The following RUNX1T1 variants were observed in gnomAD, a reference collection of about 807,000 sequenced individuals.
RUNX1T1 encodes the protein RUNX1 partner transcriptional co-repressor 1.
In RUNX1T1, 4 loss-of-function variants were observed where a neutral mutation model predicts 62.8. The ratio of observed to expected loss-of-function variants is 0.06; its 90% CI spans 0.03 to 0.15. RUNX1T1 has a LOEUF of 0.15. Ranked by LOEUF, RUNX1T1 falls within the 10% of genes least tolerant of loss-of-function variation. RUNX1T1 has a pLI of 1.00. For synonymous variants in RUNX1T1, 291 were observed against 286.0 expected, an observed-to-expected ratio of 1.02 and a Z score of -0.18; for missense variants, 508 against 754.3, an observed-to-expected ratio of 0.67 and a Z score of 3.82.
chr8:92,083,297 A>T (rs534713959), intron 1 of RUNX1T1, among the ~76,000 whole-genome samples: 3 of 152,340 alleles, frequency 2.0e-5, no homozygotes, highest in Non-Finnish European at 2.9e-5. Context: ...AGAAACTACC[A>T]TCAGAGTGAA....
chr8:92,076,532 T>C (rs535503968), intron 1 of RUNX1T1, among the ~76,000 whole-genome samples: 1 of 152,282 alleles, frequency 6.6e-6, no homozygotes, highest in African/African-American at 2.4e-5. Context: ...TTATTATTTA[T>C]GGAATTTTAC....
intron 1 of RUNX1T1, among the ~76,000 whole-genome samples, chr8:92,044,544 A>G (rs1829047212): frequency 6.6e-6 from 1 of 152,232 alleles, no homozygotes; most frequent in Admixed American, 6.5e-5. Flanking sequence ...AGCAACCACT[A>G]AACTCATGTT....
intron 1 of RUNX1T1, among the ~76,000 whole-genome samples, chr8:92,056,494 T>A (rs74410746): frequency 0.018 from 2,705 of 152,158 alleles, 64 homozygotes; most frequent in African/African-American, 0.061. Flanking sequence ...ATTAAAAGAA[T>A]CCCTCTAATA....
intron 1 of RUNX1T1, among the ~76,000 whole-genome samples, chr8:92,048,520 A>T (rs1829759798): frequency 6.6e-6 from 1 of 152,090 alleles, no homozygotes. Context: ...CTCTCTTTTT[A>T]AAAAATTTTT....
At chr8:92,056,023 G>C (rs536836218) in intron 1 of RUNX1T1, among the ~76,000 whole-genome samples, 1 of 152,092 alleles carries the variant, frequency 6.6e-6, no homozygotes, top group Non-Finnish European at 1.5e-5. Context: ...ATCCTCATTA[G>C]GACATATTTA....
intron 1 of RUNX1T1, among the ~76,000 whole-genome samples, chr8:92,090,054 A>C (rs2130892322): frequency 6.6e-6 from 1 of 152,006 alleles, no homozygotes; most frequent in East Asian, 1.9e-4. Flanking sequence ...AGAATCACCA[A>C]GTCTGCCCTT....
intron 1 of RUNX1T1, among the ~76,000 whole-genome samples, chr8:92,088,769 T>C (rs1836529324): frequency 6.6e-6 from 1 of 152,200 alleles, no homozygotes; most frequent in Non-Finnish European, 1.5e-5. Context: ...AGCTCATTAC[T>C]GCTCTGACAC....
chr8:92,069,137 T>C (rs1302269269), intron 2 of RUNX1T1, among the ~76,000 whole-genome samples: 1 of 111,368 alleles, frequency 9.0e-6, no homozygotes, highest in Non-Finnish European at 2.4e-5. Context: ...TTCCCTATTT[T>C]TTTATTTTTC....
At chr8:92,085,483 G>A (rs1192846398) in intron 1 of RUNX1T1, among the ~76,000 whole-genome samples, 6 of 152,096 alleles carry the variant, frequency 3.9e-5, no homozygotes, top group Admixed American at 1.3e-4. Flanking sequence ...TCTCAGGAAC[G>A]ATTCTGTATC....
exon 11 of RUNX1T1, chr8:91,958,946 CTTTT>C (rs1178394100): frequency 5.5e-6 from 1 of 180,978 alleles, no homozygotes; most frequent in African/African-American, 2.6e-5. Context: ...CAAAAAGAGT[CTTTT>C]TTTCCTTTTT....
chr8:92,084,666 T>C (rs1835819849), intron 1 of RUNX1T1, among the ~76,000 whole-genome samples: 1 of 152,272 alleles, frequency 6.6e-6, no homozygotes, highest in Admixed American at 6.5e-5. Flanking sequence ...TTGGATGTAA[T>C]AAATTCTATC....
At chr8:92,040,840 AG>A in intron 1 of RUNX1T1, among the ~76,000 whole-genome samples, 1 of 152,318 alleles carries the variant, frequency 6.6e-6, no homozygotes, top group African/African-American at 2.4e-5. Flanking sequence ...AGGTGTTAAA[AG>A]CTGCAGTGAG....
At chr8:92,038,454 G>A (rs1827828371) in intron 1 of RUNX1T1, among the ~76,000 whole-genome samples, 1 of 152,092 alleles carries the variant, frequency 6.6e-6, no homozygotes, top group Admixed American at 6.6e-5. Flanking sequence ...CACAAAGGGA[G>A]GGTGAATAGT....
downstream of RUNX1T1, chr8:91,955,312 C>T (rs16914664): frequency 0.019 from 4,327 of 224,894 alleles, 176 homozygotes; most frequent in African/African-American, 0.087. Context: ...TAGTTTCTGG[C>T]CTTTTTCACT....
intron 1 of RUNX1T1, among the ~76,000 whole-genome samples, chr8:92,057,224 G>A (rs2130506537): frequency 6.6e-6 from 1 of 152,132 alleles, no homozygotes; most frequent in East Asian, 1.9e-4. Context: ...CTATAATTCA[G>A]ATTCAAACAT....
chr8:92,036,619 G>A (rs1249152882), intron 1 of RUNX1T1, among the ~76,000 whole-genome samples: 2 of 152,150 alleles, frequency 1.3e-5, no homozygotes, highest in African/African-American at 4.8e-5. Context: ...TTGCCAGGAT[G>A]CCTCCGGAAG....
At chr8:92,033,328 T>A (rs2131328674) in intron 1 of RUNX1T1, among the ~76,000 whole-genome samples, 1 of 152,336 alleles carries the variant, frequency 6.6e-6, no homozygotes, top group African/African-American at 2.4e-5. Context: ...CAAAGCAGTA[T>A]GTTTTACAAG....
At chr8:92,019,673 A>G (rs1218715619) in intron 1 of RUNX1T1, among the ~76,000 whole-genome samples, 1 of 152,102 alleles carries the variant, frequency 6.6e-6, no homozygotes, top group Non-Finnish European at 1.5e-5. Context: ...CCTAAAATAG[A>G]CCACCCTAAA....
At chr8:91,988,223 A>T (rs563827589) in intron 6 of RUNX1T1, among the ~76,000 whole-genome samples, 1 of 152,152 alleles carries the variant, frequency 6.6e-6, no homozygotes, top group Non-Finnish European at 1.5e-5. Context: ...AACTGATGGA[A>T]GTGAACAAAT....
Sources: allele counts gnomAD v4.1 joint callset (sites outside exome capture counted in the v4.1 genomes callset), GRCh38; gene constraint gnomAD v4.1.1; transcripts MANE v1.5; gene names NCBI Gene and HGNC (gene_info 2026-07-23, HGNC 2026-07-21).